The following INCA1 variants were observed in gnomAD, a reference collection of about 807,000 sequenced individuals.
INCA1 encodes the protein inhibitor of CDK, cyclin A1 interacting protein 1.
INCA1 carries 28 observed loss-of-function variants against 25.7 expected under a neutral mutation model. The ratio of observed to expected loss-of-function variants is 1.09; its 90% CI spans 0.81 to 1.49. The LOEUF (loss-of-function observed/expected upper bound fraction) is 1.49, where lower values mean the gene tolerates loss of function less well. Among genes scored for constraint, INCA1 ranks in the 40% most tolerant of loss-of-function variants. The pLI, the probability that INCA1 is intolerant of heterozygous loss-of-function variation, is 0.00. For missense variants in INCA1, 309 were observed against 290.9 expected, an observed-to-expected ratio of 1.06 and a Z score of -0.45; for synonymous variants, 111 against 103.6, an observed-to-expected ratio of 1.07 and a Z score of -0.43.
intron 2 of INCA1, 55 bp from the exon 3 acceptor site, chr17:4,990,320 T>A: frequency 6.4e-7 from 1 of 1,553,740 alleles, no homozygotes; most frequent in Admixed American, 2.0e-5. Flanking sequence ...AGCAGTCTAC[T>A]CATCCCAAGG....
At chr17:4,993,151 A>T (rs930232908) in intron 2 of INCA1, among the ~76,000 whole-genome samples, 1 of 151,436 alleles carries the variant, frequency 6.6e-6, no homozygotes, top group Non-Finnish European at 1.5e-5. Context: ...AAGTGCTCGG[A>T]TTACAGGTGT....
intron 2 of INCA1, among the ~76,000 whole-genome samples, 176 bp downstream of exon 2, chr17:4,994,218 C>T (rs1398819969): frequency 6.6e-6 from 1 of 152,196 alleles, no homozygotes; most frequent in East Asian, 1.9e-4. Flanking sequence ...TAATACAGTC[C>T]CTGGAACATT....
chr17:4,988,569 G>A lies in INCA1; in HGVS notation c.562-15C>T, dbSNP rs369158979. The A allele has an allele frequency of 1.8e-5, 29 of 1,605,918 alleles. No homozygotes were observed. In the South Asian group the frequency reaches 2.4e-4, roughly 13 times the overall value. ...GACCAAAGCAGCTGTCAAGATGAGA[G>A]AAATTGAAAAAGAAAATGGAAAAGT... On this transcript the variant is annotated splice_polypyrimidine_tract_variant and intron_variant, in intron 6 of 6. Coordinates refer to ENST00000576820, the Ensembl canonical transcript of INCA1.
intron 2 of INCA1, among the ~76,000 whole-genome samples, chr17:4,992,813 A>G (rs1973964506): frequency 1.3e-5 from 2 of 151,606 alleles, no homozygotes; most frequent in South Asian, 2.1e-4. Flanking sequence ...GGGCTCAAGC[A>G]ATCCTCCCAC....
exon 5 of INCA1, chr17:4,989,572 G>T: frequency 1.2e-6 from 2 of 1,614,226 alleles, no homozygotes; most frequent in Non-Finnish European, 1.7e-6. Context: ...CATTTCAGGG[G>T]GTGGGAGCTG....
rs548566725 is a variant in INCA1, at chr17:4,988,622, C to T, written c.562-68G>A. On this transcript the variant is annotated intron_variant, in intron 6 of 6. Transcript: ENST00000576820. ...GTCTTCTTTCCAGATTTCCTAGTAC[C>T]CAAGCTTAGGTACCTCGAAGTCTCT... is the stretch of plus-strand genomic sequence containing the variant. The T allele has an allele frequency of 3.8e-6, 6 of 1,590,942 alleles. No homozygotes were observed. The African/African-American group carries it at 8.1e-5, about 22-fold the overall frequency.
intron 4 of INCA1, 131 bp downstream of exon 4, chr17:4,989,759 G>C: frequency 6.4e-7 from 1 of 1,552,970 alleles, no homozygotes; most frequent in Non-Finnish European, 8.9e-7. Context: ...CTGATTCATA[G>C]AAAGGAAGGC....
exon 7 of INCA1, chr17:4,988,362 G>C (rs191358017): frequency 3.2e-6 from 5 of 1,554,428 alleles, no homozygotes; most frequent in Admixed American, 4.2e-5. Context: ...CTAGTCTTGG[G>C]TCCCTGGGGC....
exon 2 of INCA1, chr17:4,994,475 G>T: frequency 6.2e-7 from 1 of 1,608,442 alleles, no homozygotes; most frequent in Non-Finnish European, 8.5e-7. Context: ...CCTTTTTGGT[G>T]CTGGGAGGAT....
chr17:4,993,757 C>T (rs1392944491), intron 2 of INCA1, among the ~76,000 whole-genome samples: 171 of 145,188 alleles, frequency 1.2e-3, no homozygotes, highest in African/African-American at 4.0e-3. Flanking sequence ...TGTGAGCCAC[C>T]GTGCCTGGCC....
intron 3 of INCA1, 28 bp from the exon 4 acceptor site, chr17:4,989,957 G>A: frequency 6.2e-7 from 1 of 1,614,126 alleles, no homozygotes. Flanking sequence ...GGGGCTATAA[G>A]TGCAGAGGGG....
chr17:4,989,993 A>T (rs2143175834), intron 3 of INCA1, 64 bp from the exon 4 acceptor site: 2 of 1,612,364 alleles, frequency 1.2e-6, no homozygotes, highest in Middle Eastern at 1.7e-4. Flanking sequence ...TTGCTTCTTT[A>T]ATAATCTCTC....
chr17:4,988,368 G>C, exon 7 of INCA1: 4 of 1,559,510 alleles, frequency 2.6e-6, no homozygotes, highest in Non-Finnish European at 3.5e-6. Context: ...TTGGGTCCCT[G>C]GGGCACCACT....
chr17:4,993,355 T>C (rs1310358834), intron 2 of INCA1, among the ~76,000 whole-genome samples: 1 of 151,388 alleles, frequency 6.6e-6, no homozygotes, highest in Non-Finnish European at 1.5e-5. Context: ...AATTTTGTAT[T>C]TTTAGTAGAG....
At chr17:4,990,862 G>T (rs1245481594) in intron 2 of INCA1, among the ~76,000 whole-genome samples, 4 of 149,986 alleles carry the variant, frequency 2.7e-5, no homozygotes, top group Admixed American at 1.3e-4. Flanking sequence ...CAGCTTGGGT[G>T]ACAAGAGAGA....
chr17:4,989,755 C>A, intron 4 of INCA1, 131 bp from the exon 5 acceptor site: 1 of 1,548,904 alleles, frequency 6.5e-7, no homozygotes, highest in Non-Finnish European at 8.9e-7. Context: ...ATGACTGATT[C>A]ATAGAAAGGA....
chr17:4,989,377 T>TA, intron 5 of INCA1, 51 bp downstream of exon 5: 1 of 1,545,892 alleles, frequency 6.5e-7, no homozygotes, highest in African/African-American at 1.4e-5. Context: ...CAAACTGTTC[T>TA]GCCCCCAAAT....
exon 6 of INCA1, chr17:4,988,929 C>T: frequency 6.2e-7 from 1 of 1,613,954 alleles, no homozygotes; most frequent in Non-Finnish European, 8.5e-7. Context: ...AGCTGCCCCA[C>T]TGGGCCTTCT....
chr17:4,989,426 A>C lies in INCA1; in HGVS notation c.395+2T>G, dbSNP rs758069242. On this transcript the variant is annotated splice_donor_variant, in intron 5 of 6. Coordinates refer to ENST00000576820, the Ensembl canonical transcript of INCA1. LOFTEE classifies it high-confidence loss of function. ...CAGAACCCAGATGTCTCCCTTCCTT[A>C]CTCGTTGATGATGCTCTGACGCCTT... The C allele has an allele frequency of 2.5e-6, 4 of 1,610,108 alleles. No individual in the cohort carries two copies. The highest frequency in any genetic ancestry group is 3.4e-6 in the Non-Finnish European group (4 of 1,177,420).
Sources: allele counts gnomAD v4.1 joint callset (sites outside exome capture counted in the v4.1 genomes callset), GRCh38; gene constraint gnomAD v4.1.1; transcripts MANE v1.5; gene names NCBI Gene and HGNC (gene_info 2026-07-23, HGNC 2026-07-21).